The following TRAF3 variants were observed in gnomAD, a reference collection of about 807,000 sequenced individuals.
The protein encoded by TRAF3 is TNF receptor-associated factor 3.
In TRAF3, 13 loss-of-function variants were observed where a neutral mutation model predicts 62.3. That is an observed-to-expected ratio of 0.21 (90% CI 0.14 to 0.33). The LOEUF is 0.33. Ranked by LOEUF, TRAF3 falls within the 10% of genes least tolerant of loss-of-function variation. TRAF3 has a pLI of 1.00. For synonymous variants in TRAF3, 269 were observed against 283.4 expected (o/e 0.95, Z 0.51); for missense variants, 440 against 741.8 (o/e 0.59, Z 4.73).
At chr14:102,822,037 A>G (rs910063193) in intron 1 of TRAF3, among the ~76,000 whole-genome samples, 62 of 152,340 alleles carry the variant, frequency 4.1e-4, no homozygotes, top group Non-Finnish European at 5.0e-4. Context: ...GTGAGACTCC[A>G]TCTCAAATAA....
chr14:102,867,244 C>A (rs1888054045), intron 2 of TRAF3, among the ~76,000 whole-genome samples: 1 of 152,164 alleles, frequency 6.6e-6, no homozygotes. Flanking sequence ...CTGTTACGGG[C>A]AAGAGAGTAA....
chr14:102,866,353 G>A (rs903670220), intron 2 of TRAF3, among the ~76,000 whole-genome samples: 6 of 152,038 alleles, frequency 3.9e-5, no homozygotes, highest in Admixed American at 1.3e-4. Context: ...ACAACGGCAC[G>A]TGTATACCCA....
intron 1 of TRAF3, among the ~76,000 whole-genome samples, chr14:102,821,035 A>C (rs1899955347): frequency 6.6e-6 from 1 of 152,102 alleles, no homozygotes; most frequent in Non-Finnish European, 1.5e-5. Flanking sequence ...TGCCTACTAA[A>C]TATGCATATC....
chr14:102,828,727 C>G (rs898761640), intron 1 of TRAF3, among the ~76,000 whole-genome samples: 8 of 152,124 alleles, frequency 5.3e-5, no homozygotes, highest in African/African-American at 1.9e-4. Flanking sequence ...TTGTTAATGA[C>G]CCTTTTGACG....
rs1315177695 is a variant in TRAF3, at chr14:102,906,276, CTA to C, written c.*494_*495del. The stretch of plus-strand genomic sequence containing the variant: ...TTTTGTTTCAAATACAGTATATTGT[CTA>C]TTTTTAAGGCCTCATCTGGTCTCTG... On this transcript the variant is annotated 3_prime_UTR_variant, in exon 12 of 12. Transcript: ENST00000392745. 2.6e-5 allele frequency: 4 copies of C among 156,496 alleles called. No individual in the cohort carries two copies. Among genetic ancestry groups the C allele is most frequent in the Non-Finnish European group, 4.3e-5 (3 of 70,306 alleles). The allele number at this position is 156,496 out of a possible 1,614,324, so 9.7% of individuals were successfully genotyped here.
At chr14:102,902,079 C>T (rs1291679911) in intron 10 of TRAF3, among the ~76,000 whole-genome samples, 1 of 152,268 alleles carries the variant, frequency 6.6e-6, no homozygotes, top group Admixed American at 6.5e-5. Context: ...CGGAGTACAG[C>T]TCCCACCCCT....
intron 10 of TRAF3, among the ~76,000 whole-genome samples, chr14:102,902,670 A>G (rs1890363931): frequency 6.6e-6 from 1 of 152,184 alleles, no homozygotes; most frequent in African/African-American, 2.4e-5. Context: ...GGAGATGTCC[A>G]TGGGAGCCTT....
chr14:102,786,543 C>T (rs927646999), intron 1 of TRAF3, among the ~76,000 whole-genome samples: 9 of 152,112 alleles, frequency 5.9e-5, no homozygotes, highest in African/African-American at 1.2e-4. Context: ...CAAAATTAGC[C>T]GGGCGTGGTG....
intron 2 of TRAF3, among the ~76,000 whole-genome samples, chr14:102,855,501 T>TA (rs1031207912): frequency 1.3e-5 from 2 of 151,978 alleles, no homozygotes; most frequent in Admixed American, 6.6e-5. Context: ...TTTCCTTTTT[T>TA]AAAAAAATTA....
At chr14:102,780,389 T>C (rs1175373870) in intron 1 of TRAF3, among the ~76,000 whole-genome samples, 1 of 152,048 alleles carries the variant, frequency 6.6e-6, no homozygotes, top group Admixed American at 6.5e-5. Context: ...ATAATTAAAA[T>C]ACAAAATGGC....
At chr14:102,891,294 C>T (rs755666441) in intron 8 of TRAF3, 31 bp from the exon 9 acceptor site, 44 of 1,602,922 alleles carry the variant, frequency 2.7e-5, no homozygotes, top group Non-Finnish European at 3.5e-5. Context: ...CAGCGAGGTT[C>T]GCTGAATGCC....
chr14:102,877,440 C>A (rs1415507801), intron 6 of TRAF3, among the ~76,000 whole-genome samples: 3 of 144,956 alleles, frequency 2.1e-5, no homozygotes, highest in African/African-American at 7.9e-5. Context: ...ATCCATTCCA[C>A]AGGACTTCTG....
At position 102,844,508 on chromosome 14, in the gene TRAF3, G is replaced by C. The variant is rs145749992; in HGVS notation, c.-18+14036G>C. Among the ~76,000 whole-genome samples, 8 of 152,288 alleles carry C rather than the reference G, an allele frequency of 5.3e-5. 1 individual carries two copies. In the East Asian group the frequency reaches 1.5e-3, roughly 29 times the overall value. On this transcript the variant is annotated intron_variant, in intron 2 of 11. Transcript: ENST00000392745. The stretch of plus-strand genomic sequence containing the variant: ...GAGCCAACTCTGGGCAGGAAAATAA[G>C]ATGCTCTGAATGACCAGGTGCAAAT...
At chr14:102,789,226 A>G (rs757204273) in intron 1 of TRAF3, among the ~76,000 whole-genome samples, 1 of 152,164 alleles carries the variant, frequency 6.6e-6, no homozygotes, top group Non-Finnish European at 1.5e-5. Flanking sequence ...ATCATAATCC[A>G]TTGTATGTAC....
chr14:102,889,211 A>G (rs1209568700), intron 7 of TRAF3, among the ~76,000 whole-genome samples: 1 of 152,062 alleles, frequency 6.6e-6, no homozygotes, highest in Non-Finnish European at 1.5e-5. Flanking sequence ...GTTTTCATGC[A>G]ATTTTTGTTT....
intron 1 of TRAF3, among the ~76,000 whole-genome samples, chr14:102,803,906 A>G (rs536815941): frequency 7.2e-5 from 11 of 152,192 alleles, no homozygotes; most frequent in Admixed American, 2.6e-4. Flanking sequence ...AAATTGACTT[A>G]AAAAAGTTGG....
chr14:102,819,182 A>G (rs1441985312), intron 1 of TRAF3, among the ~76,000 whole-genome samples: 2 of 151,416 alleles, frequency 1.3e-5, no homozygotes, highest in African/African-American at 4.9e-5. Context: ...TCTGATTCCT[A>G]GAGCGGTGTG....
intron 2 of TRAF3, among the ~76,000 whole-genome samples, chr14:102,843,638 TTAAA>T (rs1886516648): frequency 6.6e-6 from 1 of 152,092 alleles, no homozygotes; most frequent in Admixed American, 6.6e-5. Flanking sequence ...GCACTCAGGC[TTAAA>T]TAGTCAGTTT....
chr14:102,865,294 G>T (rs901327363), intron 2 of TRAF3, among the ~76,000 whole-genome samples: 1 of 152,110 alleles, frequency 6.6e-6, no homozygotes, highest in Non-Finnish European at 1.5e-5. Flanking sequence ...CTCAGGGTTC[G>T]TGTCATTTCT....
Sources: allele counts gnomAD v4.1 joint callset (sites outside exome capture counted in the v4.1 genomes callset), GRCh38; gene constraint gnomAD v4.1.1; transcripts MANE v1.5; gene names NCBI Gene and HGNC (gene_info 2026-07-23, HGNC 2026-07-21).